TRAPPC8: variants seen among roughly 807,000 people sequenced by gnomAD.
TRAPPC8 encodes general sporulation gene 1 homolog.
Under a neutral mutation model 174.3 loss-of-function variants are expected in TRAPPC8, and 54 were observed. The ratio of observed to expected loss-of-function variants is 0.31; its 90% confidence interval spans 0.25 to 0.39. The LOEUF (loss-of-function observed/expected upper bound fraction) is 0.39, where lower values mean the gene tolerates loss of function less well. TRAPPC8 is among the 10% of genes least tolerant of loss of function. TRAPPC8 has a pLI of 1.00. For synonymous variants in TRAPPC8, 630 were observed against 579.9 expected (o/e 1.09, Z -1.24); for missense variants, 1,531 against 1,699.1 (o/e 0.90, Z 1.74).
intron 1 of TRAPPC8, among the ~76,000 whole-genome samples, chr18:31,938,261 T>G (rs1449497971): frequency 2.0e-5 from 3 of 152,076 alleles, no homozygotes; most frequent in Non-Finnish European, 4.4e-5. Flanking sequence ...CTTTGAGTAT[T>G]AGGATCTCAA....
Position 31,934,423 on chromosome 18 carries a change from TTA to T in TRAPPC8, c.158-2902_158-2901del, listed in dbSNP as rs992260941. Among the ~76,000 whole-genome samples, 207 of 152,280 alleles carry T rather than the reference TTA, an allele frequency of 1.4e-3. 1 individual carries two copies. Among genetic ancestry groups the T allele is most frequent in the African/African-American group, 4.7e-3 (194 of 41,552 alleles). ...TATTATCTGCATTCTTCTATAACTG[TTA>T]TGTTTTCTAACTTAAATAAACATAC... On this transcript the variant is annotated intron_variant, in intron 1 of 28. Transcript: ENST00000283351.
At chr18:31,848,343 CAAT>C (rs1311319157) in intron 25 of TRAPPC8, among the ~76,000 whole-genome samples, 12 of 152,130 alleles carry the variant, frequency 7.9e-5, no homozygotes, top group Non-Finnish European at 1.2e-4. Context: ...ATGCACTTAA[CAAT>C]GAGTACAGAA....
intron 27 of TRAPPC8, among the ~76,000 whole-genome samples, chr18:31,837,119 G>A (rs948106687): frequency 2.0e-5 from 3 of 152,016 alleles, no homozygotes; most frequent in African/African-American, 7.2e-5. Context: ...CTGTATCAGA[G>A]AAAGGAACAA....
chr18:31,909,483 A>T (rs1598723171), intron 6 of TRAPPC8, 184 bp downstream of exon 6: 1 of 911,422 alleles, frequency 1.1e-6, no homozygotes, highest in Non-Finnish European at 1.3e-6. Context: ...TATAAAACAA[A>T]TTTTTAAGTG....
chr18:31,830,985 C>A lies in TRAPPC8; in HGVS notation c.4078G>T (p.Glu1360Ter). 6.2e-7 allele frequency: 1 copy of A among 1,608,014 alleles called. No homozygotes were observed. The highest frequency in any genetic ancestry group is 8.5e-7 in the Non-Finnish European group (1 of 1,176,066). ...VDLRHKTTSP[E>*]ALEIHGSFTW... is the part of the protein sequence containing the mutation. ...AATGATCCATGGATTTCCAGTGCTT[C>A]TGGACTAAGGGAGGAGGAAAATGTA... Residue 1360 changes from glutamate to a stop codon, truncating the protein, a stop_gained, in exon 29 of 29, where the codon GAA becomes TAA. Coordinates refer to ENST00000283351, the MANE Select transcript of TRAPPC8 (RefSeq NM_014939.5). LOFTEE classifies it high-confidence loss of function.
At chr18:31,857,261 T>C (rs1350831935) in intron 20 of TRAPPC8, among the ~76,000 whole-genome samples, 1 of 152,218 alleles carries the variant, frequency 6.6e-6, no homozygotes, top group African/African-American at 2.4e-5. Context: ...ATTTCATTAT[T>C]ATGTGATAGC....
intron 26 of TRAPPC8, among the ~76,000 whole-genome samples, chr18:31,841,214 AT>A (rs1160351012): frequency 6.6e-6 from 1 of 152,138 alleles, no homozygotes; most frequent in Non-Finnish European, 1.5e-5. Flanking sequence ...ATTATGGGTA[AT>A]TTCAAAAAGT....
chr18:31,935,663 G>A (rs2038066239), intron 1 of TRAPPC8, among the ~76,000 whole-genome samples: 1 of 151,266 alleles, frequency 6.6e-6, no homozygotes, highest in Admixed American at 6.6e-5. Flanking sequence ...AGCATTTTAG[G>A]AGGCTAAAGC....
intron 4 of TRAPPC8, among the ~76,000 whole-genome samples, chr18:31,915,653 T>G (rs565909955): frequency 6.6e-6 from 1 of 152,030 alleles, no homozygotes; most frequent in Admixed American, 6.6e-5. Flanking sequence ...TCCCAGCACT[T>G]TGAGAGGCCC....
In TRAPPC8 at chr18:31,836,823, A is replaced by G. The variant is rs1432537256; in HGVS notation, c.3983+2489T>C. Among the ~76,000 whole-genome samples, 15 of 140,188 alleles carry G rather than the reference A, an allele frequency of 1.1e-4. No individual in the cohort carries two copies. In the South Asian group the frequency reaches 1.6e-3, roughly 15 times the overall value. The allele number at this position is 140,188 out of a possible 152,430, so 92.0% of individuals were successfully genotyped here. A position where few individuals can be genotyped will look rare whatever the true frequency, so the allele number is the denominator to read the frequency against. On this transcript the variant is annotated intron_variant, in intron 27 of 28. Coordinates refer to ENST00000283351, the MANE Select transcript of TRAPPC8 (RefSeq NM_014939.5). ...GTCGCCCAGGCTGGACTGCAGTGGC[A>G]CGATCTCGGCTCACTGCAAGCTCCG...
intron 1 of TRAPPC8, among the ~76,000 whole-genome samples, chr18:31,938,925 G>A (rs191513441): frequency 1.0e-3 from 156 of 151,810 alleles, no homozygotes; most frequent in African/African-American, 3.6e-3. Flanking sequence ...ACCAAAAATA[G>A]AAAAATTAGC....
At chr18:31,928,184 A>AAATT (rs1568147824) in intron 2 of TRAPPC8, among the ~76,000 whole-genome samples, 99 of 150,684 alleles carry the variant, frequency 6.6e-4, no homozygotes, top group African/African-American at 2.3e-3. Context: ...AAAATAAAAT[A>AAATT]AAATTAAAAT....
At chr18:31,928,535 A>G (rs188790929) in intron 2 of TRAPPC8, among the ~76,000 whole-genome samples, 8 of 151,616 alleles carry the variant, frequency 5.3e-5, no homozygotes, top group African/African-American at 1.9e-4. Context: ...TAAAAATAAG[A>G]AAAAAAAATA....
intron 11 of TRAPPC8, among the ~76,000 whole-genome samples, chr18:31,893,210 T>C (rs2036035827): frequency 6.6e-6 from 1 of 152,138 alleles, no homozygotes; most frequent in African/African-American, 2.4e-5. Flanking sequence ...TATTGGTCCT[T>C]TGTGATATAT....
At chr18:31,870,630 T>C (rs2034808204) in intron 15 of TRAPPC8, 128 bp from the exon 16 acceptor site, 2 of 1,043,648 alleles carry the variant, frequency 1.9e-6, no homozygotes, top group African/African-American at 1.6e-5. Flanking sequence ...TATTACCTTA[T>C]AAATGTCCAC....
intron 9 of TRAPPC8, among the ~76,000 whole-genome samples, chr18:31,907,056 A>G (rs16962567): frequency 0.03 from 4,601 of 152,316 alleles, 250 homozygotes; most frequent in African/African-American, 0.1. Flanking sequence ...AAGCTGATGC[A>G]AAAGTTGGAA....
In TRAPPC8 at chr18:31,869,756, T is replaced by C. The variant is rs564007191; in HGVS notation, c.2388+616A>G. ...AATGTAAAAAGCAACATACACAGTA[T>C]GAAGGAATCCCAAATATGTGGGAAA... On this transcript the variant is annotated intron_variant, in intron 16 of 28. Coordinates refer to ENST00000283351, the MANE Select transcript of TRAPPC8 (RefSeq NM_014939.5). 2.6e-5 allele frequency among the ~76,000 whole-genome samples: 4 copies of C among 152,268 alleles called. No individual in the cohort carries two copies. The East Asian group carries it at 7.7e-4, about 29-fold the overall frequency.
At chr18:31,834,044 C>T (rs2032554325) in intron 27 of TRAPPC8, among the ~76,000 whole-genome samples, 1 of 151,036 alleles carries the variant, frequency 6.6e-6, no homozygotes, top group Non-Finnish European at 1.5e-5. Context: ...TCTAAGTTCC[C>T]AGATGATACT....
intron 16 of TRAPPC8, among the ~76,000 whole-genome samples, chr18:31,868,300 T>C (rs2034682805): frequency 1.3e-5 from 2 of 152,178 alleles, no homozygotes; most frequent in African/African-American, 4.8e-5. Flanking sequence ...TCTTAGTCCA[T>C]CACCATCTTA....
Sources: gnomAD v4.1 joint callset for allele counts (sites outside exome capture counted in the v4.1 genomes callset) on GRCh38, gnomAD v4.1.1 for gene constraint, MANE v1.5 for transcripts, NCBI Gene and HGNC (gene_info 2026-07-23, HGNC 2026-07-21) for gene names.